The following PCDHA2 variants were observed in gnomAD, a reference collection of about 807,000 sequenced individuals.
PCDHA2 encodes protocadherin alpha-2.
A neutral mutation model predicts 66.0 loss-of-function variants in PCDHA2; 58 were observed. The observed-to-expected ratio is 0.88, with a 90% CI of 0.71 to 1.09. The LOEUF (loss-of-function observed/expected upper bound fraction) is 1.09. PCDHA2 is among the 50% of genes least tolerant of loss of function. PCDHA2 has a pLI of 0.00. For synonymous variants in PCDHA2, 634 were observed against 554.0 expected, an observed-to-expected ratio of 1.14 and a Z score of -2.03; for missense variants, 1,267 against 1,242.3, an observed-to-expected ratio of 1.02 and a Z score of -0.30.
chr5:140,927,970 G>A (rs1554205315), intron 1 of PCDHA2: 1 of 1,614,216 alleles, frequency 6.2e-7, no homozygotes, highest in East Asian at 2.2e-5. Context: ...CACAGTGATT[G>A]CTCTCTTTAG....
chr5:140,806,478 T>G (rs1323964629), intron 1 of PCDHA2, among the ~76,000 whole-genome samples: 1 of 152,222 alleles, frequency 6.6e-6, no homozygotes, highest in East Asian at 1.9e-4. Context: ...CCTTGCACTT[T>G]CAGCCCTGAC....
At chr5:140,964,721 C>T (rs2095851062) in intron 1 of PCDHA2, among the ~76,000 whole-genome samples, 1 of 151,598 alleles carries the variant, frequency 6.6e-6, no homozygotes, top group East Asian at 1.9e-4. Flanking sequence ...CAAATTACCA[C>T]AGCAAACTGA....
chr5:140,898,995 T>C (rs1176186680), intron 1 of PCDHA2, among the ~76,000 whole-genome samples: 4 of 151,956 alleles, frequency 2.6e-5, no homozygotes, highest in Non-Finnish European at 5.9e-5. Flanking sequence ...TCTGTTTGTC[T>C]GTTATTGGTG....
chr5:140,823,120 G>C (rs868916716), intron 1 of PCDHA2: 3 of 1,613,940 alleles, frequency 1.9e-6, no homozygotes, highest in African/African-American at 1.3e-5. Flanking sequence ...CGACGTGAAC[G>C]ACAACGCTCC....
At position 140,941,253 on chromosome 5, in the gene PCDHA2, TTC is replaced by T. The variant is rs371538795; in HGVS notation, c.2389-37692_2389-37691del. 4.9e-3 allele frequency among the ~76,000 whole-genome samples: 316 copies of T among 64,734 alleles called. 2 individuals carry two copies. The highest frequency in any genetic ancestry group is 6.9e-3 in the Admixed American group (39 of 5,692). 42.5% of individuals were successfully genotyped at this position (64,734 alleles called of 152,430 possible). On this transcript the variant is annotated intron_variant, in intron 1 of 3. Coordinates refer to ENST00000526136, the MANE Select transcript of PCDHA2 (RefSeq NM_018905.3). ...TTTCTTTCTTTCTTTCTTTCTTTCT[TTC>T]TCTTTCTTTCTTTCTTTCCTTCCTT...
chr5:141,004,346 G>C (rs2098162740), intron 3 of PCDHA2, among the ~76,000 whole-genome samples: 1 of 152,212 alleles, frequency 6.6e-6, no homozygotes, highest in Non-Finnish European at 1.5e-5. Context: ...GTCTGTGAGG[G>C]ACTGGAGAGA....
intron 1 of PCDHA2, chr5:140,815,532 T>TACGTTA (rs1554126821): frequency 9.3e-5 from 14 of 151,194 alleles, no homozygotes; most frequent in Non-Finnish European, 1.9e-4. Context: ...ATATTGTGTA[T>TACGTTA]ACATTATTTT....
chr5:140,822,988 T>C, intron 1 of PCDHA2: 1 of 1,614,222 alleles, frequency 6.2e-7, no homozygotes, highest in South Asian at 1.1e-5. Context: ...GAATTACTAC[T>C]CGTTGGTGCT....
intron 1 of PCDHA2, chr5:140,871,547 A>T: frequency 6.7e-7 from 1 of 1,498,966 alleles, no homozygotes; most frequent in Non-Finnish European, 8.9e-7. Flanking sequence ...AATTATTTAA[A>T]ATCCAGTTTT....
chr5:140,909,494 G>A (rs1554193825), intron 1 of PCDHA2, among the ~76,000 whole-genome samples: 2 of 152,174 alleles, frequency 1.3e-5, no homozygotes, highest in African/African-American at 4.8e-5. Context: ...GAGCTGAACG[G>A]GGATGTGGTG....
intron 1 of PCDHA2, among the ~76,000 whole-genome samples, chr5:140,941,274 C>T (rs1267060320): frequency 2.7e-3 from 120 of 44,772 alleles, no homozygotes; most frequent in African/African-American, 7.9e-3. Flanking sequence ...TCTTTCTTTC[C>T]TTCCTTCCTT....
In PCDHA2 at chr5:140,858,243, C is replaced by T. The variant is rs781796341; in HGVS notation, c.2388+60891C>T. On this transcript the variant is annotated intron_variant, in intron 1 of 3. Transcript: ENST00000526136. ...GCGCCCACCGAGGGCGCATGTGGGC[C>T]GGTGAAGCCCACGCTGGTGTGCTCT... The T allele has an allele frequency of 6.9e-6, 11 of 1,595,896 alleles. No homozygotes were observed. The highest frequency in any genetic ancestry group is 6.9e-6 in the Non-Finnish European group (8 of 1,165,828).
chr5:140,988,097 C>T (rs2097282934), intron 3 of PCDHA2, among the ~76,000 whole-genome samples: 1 of 152,084 alleles, frequency 6.6e-6, no homozygotes, highest in Admixed American at 6.5e-5. Flanking sequence ...AGCCTCGGGC[C>T]TTGTTGGAGA....
In PCDHA2 at chr5:140,857,667, G is replaced by A. The variant is rs375722457; in HGVS notation, c.2388+60315G>A. 3.4e-5 allele frequency: 54 copies of A among 1,596,806 alleles called. 7 individuals are homozygous for A. The highest frequency in any genetic ancestry group is 4.5e-5 in the Non-Finnish European group (52 of 1,167,800). ...TTCCAGGTGAGCGCGCGCGATGGGGGCGTGCCGCCTCTGGGCAGCAACTTG... is the reference window on the plus strand; with the variant it reads ...TTCCAGGTGAGCGCGCGCGATGGGGACGTGCCGCCTCTGGGCAGCAACTTG... On this transcript the variant is annotated intron_variant, in intron 1 of 3. Coordinates refer to ENST00000526136, the MANE Select transcript of PCDHA2 (RefSeq NM_018905.3).
At chr5:140,872,997 A>G (rs1391702817) in intron 1 of PCDHA2, among the ~76,000 whole-genome samples, 2 of 152,104 alleles carry the variant, frequency 1.3e-5, no homozygotes, top group East Asian at 3.9e-4. Flanking sequence ...TTTACTTCTG[A>G]GTCATTCTTC....
intron 1 of PCDHA2, chr5:140,882,822 G>A (rs782258212): frequency 6.2e-7 from 1 of 1,614,080 alleles, no homozygotes; most frequent in African/African-American, 1.3e-5. Flanking sequence ...GCACAAAACA[G>A]TCTTGAGCAA....
At chr5:140,830,278 G>A (rs1364001637) in intron 1 of PCDHA2, 3 of 1,613,714 alleles carry the variant, frequency 1.9e-6, no homozygotes, top group African/African-American at 1.3e-5. Context: ...CACCCACCGA[G>A]GGCGCGTGCA....
At chr5:140,927,064 C>T (rs1409465902) in intron 1 of PCDHA2, 2 of 1,611,234 alleles carry the variant, frequency 1.2e-6, no homozygotes, top group Admixed American at 1.7e-5. Flanking sequence ...CTTTCGCTTC[C>T]TTTCCAGCCA....
chr5:140,869,125 G>T (rs371936789), intron 1 of PCDHA2: 4 of 1,611,550 alleles, frequency 2.5e-6, no homozygotes, highest in East Asian at 4.5e-5. Context: ...TCAGAGAAGG[G>T]GATTGGGCAC....
Sources: gnomAD v4.1 joint callset for allele counts (sites outside exome capture counted in the v4.1 genomes callset) on GRCh38, gnomAD v4.1.1 for gene constraint, MANE v1.5 for transcripts, NCBI Gene and HGNC (gene_info 2026-07-23, HGNC 2026-07-21) for gene names.